Variants in USP6NL observed in about 807,000 individuals in gnomAD.
USP6NL encodes the protein USP6 N-terminal-like protein.
In USP6NL, 26 loss-of-function variants were observed where a neutral mutation model predicts 61.9. That is an observed-to-expected ratio of 0.42 (90% CI 0.31 to 0.58). The LOEUF is 0.58. Ranked by LOEUF, USP6NL falls within the 20% of genes least tolerant of loss-of-function variation. The probability of loss-of-function intolerance (pLI) is 0.16; values close to 1 mark genes in which losing one functional copy is unlikely to be tolerated. For synonymous variants in USP6NL, 432 were observed against 390.1 expected (o/e 1.11, Z -1.27); for missense variants, 1,114 against 1,034.3 (o/e 1.08, Z -1.06).
chr10:11,550,018 T>C (rs61844572), intron 2 of USP6NL, among the ~76,000 whole-genome samples: 12,868 of 152,264 alleles, frequency 0.085, 631 homozygotes, highest in South Asian at 0.19. Flanking sequence ...GCCAACATAA[T>C]TGAAGTGGGG....
intron 2 of USP6NL, among the ~76,000 whole-genome samples, chr10:11,580,149 T>C (rs1350172229): frequency 6.6e-6 from 1 of 152,206 alleles, no homozygotes; most frequent in Non-Finnish European, 1.5e-5. Context: ...CCCCAGACCA[T>C]GTCCCTCATG....
In USP6NL at chr10:11,520,547, A is replaced by G. The variant is rs1835166106; in HGVS notation, c.156-1973T>C. On this transcript the variant is annotated intron_variant, in intron 4 of 14. Coordinates refer to ENST00000609104, the MANE Select transcript of USP6NL (RefSeq NM_014688.5). This position sits in a 1 kb window ranked among gnomAD's most constrained non-coding sequence, Gnocchi z 5.2. The stretch of plus-strand genomic sequence containing the variant: ...GTAAACGGTGCTGAATGAAGATATG[A>G]ACAGGAGGATGAACACATGCCTGCA... Among the ~76,000 whole-genome samples, 1 of 152,218 alleles carries G rather than the reference A, an allele frequency of 6.6e-6. No individual in the cohort carries two copies.
Position 11,525,407 on chromosome 10 carries a change from G to A in USP6NL, c.134C>T (p.Thr45Ile). 6.2e-7 allele frequency: 1 copy of A among 1,601,754 alleles called. No homozygotes were observed. Among genetic ancestry groups the A allele is most frequent in the East Asian group, 2.3e-5 (1 of 44,042 alleles). ...TTACTGTAAAAAGCCAAATCTATCT[G>A]TGACTTTGTAAACAAGGTAATCAGC... ...EDADYLVYKV[T>I]DRFGFLHEEE... The change falls in exon 4 of 15, where the codon ACA becomes ATA. Residue 45 changes from threonine to isoleucine, a missense_variant. Transcript: ENST00000609104. This position sits in a 1 kb window ranked among gnomAD's most constrained non-coding sequence, Gnocchi z 5.0.
At chr10:11,497,267 C>G (rs1355741066) in intron 7 of USP6NL, among the ~76,000 whole-genome samples, 2 of 151,090 alleles carry the variant, frequency 1.3e-5, no homozygotes, top group African/African-American at 2.4e-5. Context: ...AAAAAATAAC[C>G]GGGCATGGTG....
intron 7 of USP6NL, among the ~76,000 whole-genome samples, chr10:11,493,877 G>A (rs1407360193): frequency 6.6e-6 from 1 of 151,980 alleles, no homozygotes; most frequent in East Asian, 1.9e-4. Flanking sequence ...CTCTGGGCCT[G>A]CTCCTGCCTG....
At chr10:11,519,113 G>A (rs899892614) in intron 4 of USP6NL, among the ~76,000 whole-genome samples, 1 of 149,818 alleles carries the variant, frequency 6.7e-6, no homozygotes, top group African/African-American at 2.5e-5. Flanking sequence ...CAGACACTAC[G>A]TAAATCAAGT....
intron 2 of USP6NL, among the ~76,000 whole-genome samples, chr10:11,582,627 ATTGT>A (rs2133610935): frequency 6.6e-6 from 1 of 152,356 alleles, no homozygotes; most frequent in South Asian, 2.1e-4. Flanking sequence ...TATGATAGTA[ATTGT>A]TTATGAACAG....
chr10:11,585,481 T>C lies in USP6NL; in HGVS notation c.4+12150A>G, dbSNP rs547485611. Among the ~76,000 whole-genome samples the C allele has an allele frequency of 5.0e-4, 76 of 151,748 alleles. No homozygotes were observed. The highest frequency in any genetic ancestry group is 5.9e-4 in the Admixed American group (9 of 15,222). ...ATTGAGACCATCCTGGCTAACACAGTGAAACCCCGTGTCTACTAAAAATAC... is the reference window on the plus strand; with the variant it reads ...ATTGAGACCATCCTGGCTAACACAGCGAAACCCCGTGTCTACTAAAAATAC... On this transcript the variant is annotated intron_variant, in intron 2 of 14. Transcript: ENST00000609104. This position sits in a 1 kb window ranked among gnomAD's most constrained non-coding sequence, Gnocchi z 4.5.
rs1250456565 is a variant in USP6NL, at chr10:11,589,100, C to CT, written c.4+8530dup. On this transcript the variant is annotated intron_variant, in intron 2 of 14. Coordinates refer to ENST00000609104, the MANE Select transcript of USP6NL (RefSeq NM_014688.5). The surrounding 1 kb of genome is among the most constrained non-coding windows in gnomAD (Gnocchi z 4.7). ...CCTTTCCTTATCCAGAAGAGAGACT[C>CT]TAACAGCAGTAAAGGTTTCCCCTTA... Among the ~76,000 whole-genome samples the CT allele has an allele frequency of 6.6e-6, 1 of 152,202 alleles. No individual in the cohort carries two copies. The highest frequency in any genetic ancestry group is 6.5e-5 in the Admixed American group (1 of 15,282).
At chr10:11,573,643 C>T (rs965403050) in intron 2 of USP6NL, 6 of 398,788 alleles carry the variant, frequency 1.5e-5, no homozygotes, top group East Asian at 1.4e-4. Context: ...TTGATGGTGT[C>T]ACCAGCTCCT....
At position 11,600,214 on chromosome 10, in the gene USP6NL, A is replaced by G. The variant is rs1838472515; in HGVS notation, c.-83-2497T>C. On this transcript the variant is annotated intron_variant, in intron 1 of 14. Transcript: ENST00000609104. This position sits in a 1 kb window ranked among gnomAD's most constrained non-coding sequence, Gnocchi z 4.1. The stretch of plus-strand genomic sequence containing the variant: ...ATATTTCTGCAAAAATTGGCCTTTC[A>G]TCTCATTTTCCAGGTACTCTAAGTC... Among the ~76,000 whole-genome samples, 1 of 152,186 alleles carries G rather than the reference A, an allele frequency of 6.6e-6. No individual in the cohort carries two copies. Among genetic ancestry groups the G allele is most frequent in the South Asian group, 2.1e-4 (1 of 4,828 alleles).
chr10:11,470,154 C>T lies in USP6NL; in HGVS notation c.1079-6305G>A, dbSNP rs188075152. Among the ~76,000 whole-genome samples the T allele has an allele frequency of 4.3e-4, 65 of 152,198 alleles. 1 individual carries two copies. In the East Asian group the frequency reaches 5.6e-3, roughly 13 times the overall value. Reference sequence around the variant, plus strand: ...AAGGAGAGGTGAGGAAGAAGGAAGACGTGGCGGGGAGGTCACGGAAGGCAA... The same window carrying T: ...AAGGAGAGGTGAGGAAGAAGGAAGATGTGGCGGGGAGGTCACGGAAGGCAA... On this transcript the variant is annotated intron_variant, in intron 14 of 14. Coordinates refer to ENST00000609104, the MANE Select transcript of USP6NL (RefSeq NM_014688.5). This position sits in a 1 kb window ranked among gnomAD's most constrained non-coding sequence, Gnocchi z 5.4.
At chr10:11,544,484 CTCTCT>C (rs1836197748) in intron 2 of USP6NL, among the ~76,000 whole-genome samples, 1 of 151,960 alleles carries the variant, frequency 6.6e-6, no homozygotes, top group South Asian at 2.1e-4. Context: ...TCTAAATTTT[CTCTCT>C]TTTCTTTTTT....
In USP6NL at chr10:11,585,258, C is replaced by T. The variant is rs1837923425; in HGVS notation, c.4+12373G>A. Among the ~76,000 whole-genome samples the T allele has an allele frequency of 2.6e-5, 4 of 151,984 alleles. No individual in the cohort carries two copies. The highest frequency in any genetic ancestry group is 1.9e-4 in the East Asian group (1 of 5,198). On this transcript the variant is annotated intron_variant, in intron 2 of 14. Coordinates refer to ENST00000609104, the MANE Select transcript of USP6NL (RefSeq NM_014688.5). The surrounding 1 kb of genome is among the most constrained non-coding windows in gnomAD (Gnocchi z 4.5). ...AATGGAATCCTTGAGCAATGTAAGC[C>T]GGTGCAACCACTATGGAAAACAGTA...
At position 11,586,649 on chromosome 10, in the gene USP6NL, T is replaced by C. The variant is rs55958812; in HGVS notation, c.4+10982A>G. On this transcript the variant is annotated intron_variant, in intron 2 of 14. Transcript: ENST00000609104. ...TTTAACATAGTGAGGTTACCAGTAA[T>C]ATTTTTCCCCCATTTTCAAAATATA... is the stretch of plus-strand genomic sequence containing the variant. Among the ~76,000 whole-genome samples, 1,398 of 152,256 alleles carry C rather than the reference T, an allele frequency of 9.2e-3. 20 individuals carry two copies. The highest frequency in any genetic ancestry group is 0.032 in the African/African-American group (1,349 of 41,534).
In USP6NL at chr10:11,481,979, G is replaced by C; in HGVS notation, c.926-57C>G. The C allele has an allele frequency of 6.6e-7, 1 of 1,508,290 alleles. No individual in the cohort carries two copies. Among genetic ancestry groups the C allele is most frequent in the Non-Finnish European group, 8.9e-7 (1 of 1,125,382 alleles). The allele number at this position is 1,508,290 out of a possible 1,614,324, so 93.4% of individuals were successfully genotyped here. Reference sequence around the variant, plus strand: ...AGTCAATAGCTACTTTAGGTAGGAAGATATTCTATTATATTCAGGTGTAGT... The same window carrying C: ...AGTCAATAGCTACTTTAGGTAGGAACATATTCTATTATATTCAGGTGTAGT... On this transcript the variant is annotated intron_variant, in intron 13 of 14. Coordinates refer to ENST00000609104, the MANE Select transcript of USP6NL (RefSeq NM_014688.5). The surrounding 1 kb of genome is among the most constrained non-coding windows in gnomAD (Gnocchi z 4.4).
rs766647053 is a variant in USP6NL at position 11,489,263 on chromosome 10, C to A, written c.544-41G>T. ...GAACACAGAAGCTGGGGAGTTCAGTCGAATTACATGCATATGTACAGAGAA... is the reference window on the plus strand; with the variant it reads ...GAACACAGAAGCTGGGGAGTTCAGTAGAATTACATGCATATGTACAGAGAA... On this transcript the variant is annotated intron_variant, in intron 9 of 14. Coordinates refer to ENST00000609104, the MANE Select transcript of USP6NL (RefSeq NM_014688.5). The surrounding 1 kb of genome is among the most constrained non-coding windows in gnomAD (Gnocchi z 5.7). The A allele has an allele frequency of 6.2e-7, 1 of 1,610,324 alleles. No individual in the cohort carries two copies. The highest frequency in any genetic ancestry group is 1.1e-5 in the South Asian group (1 of 90,644).
In USP6NL at chr10:11,525,003, G is replaced by T. The variant is rs143161739; in HGVS notation, c.155+383C>A. On this transcript the variant is annotated intron_variant, in intron 4 of 14. Transcript: ENST00000609104. The surrounding 1 kb of genome is among the most constrained non-coding windows in gnomAD (Gnocchi z 5.0). ...GAAGATGAATGGCATTTCTTTACAA[G>T]GCTAATTTTCAGGCTGCATAACACT... Among the ~76,000 whole-genome samples, 654 of 152,168 alleles carry T rather than the reference G, an allele frequency of 4.3e-3. 1 individual carries two copies. The highest frequency in any genetic ancestry group is 5.9e-3 in the Non-Finnish European group (398 of 68,000).
Position 11,481,700 on chromosome 10 carries a change from C to T in USP6NL, c.1078+70G>A. 2 of 1,474,716 alleles carry T rather than the reference C, an allele frequency of 1.4e-6. No individual in the cohort carries two copies. Among genetic ancestry groups the T allele is most frequent in the East Asian group, 4.6e-5 (2 of 43,164 alleles). The allele number at this position is 1,474,716 out of a possible 1,614,324, so 91.4% of individuals were successfully genotyped here. A position where few individuals can be genotyped will look rare whatever the true frequency, so the allele number is the denominator to read the frequency against. On this transcript the variant is annotated intron_variant, in intron 14 of 14. Coordinates refer to ENST00000609104, the MANE Select transcript of USP6NL (RefSeq NM_014688.5). This position sits in a 1 kb window ranked among gnomAD's most constrained non-coding sequence, Gnocchi z 4.4. ...GCTTACGCTGTGGGCAAGAAACAGC[C>T]CATGTTAATTATGCCATGTCTTCCA...
Sources: allele counts gnomAD v4.1 joint callset (sites outside exome capture counted in the v4.1 genomes callset), GRCh38; gene constraint gnomAD v4.1.1; non-coding constraint Gnocchi (gnomAD v3.1); transcripts MANE v1.5; gene names NCBI Gene and HGNC (gene_info 2026-07-23, HGNC 2026-07-21).